HMHB1: variants seen among roughly 807,000 people sequenced by gnomAD.
The protein encoded by HMHB1 is histocompatibility minor HB-1.
HMHB1 carries 4 observed loss-of-function variants against 2.4 expected under a neutral mutation model. That is an observed-to-expected ratio of 1.65 (90% CI 0.81 to 3.77). The LOEUF (loss-of-function observed/expected upper bound fraction) is 3.77. Ranked by LOEUF, HMHB1 falls within the 30% of genes most tolerant of loss-of-function variation. The pLI, the probability that HMHB1 is intolerant of heterozygous loss-of-function variation, is 0.01. For missense variants in HMHB1, 57 were observed against 44.2 expected, an observed-to-expected ratio of 1.29 and a Z score of -0.82; for synonymous variants, 22 against 17.6, an observed-to-expected ratio of 1.25 and a Z score of -0.63.
At chr5:143,814,029 A>G (rs953251681) in intron 1 of HMHB1, among the ~76,000 whole-genome samples, 1 of 152,226 alleles carries the variant, frequency 6.6e-6, no homozygotes, top group African/African-American at 2.4e-5. Flanking sequence ...ATTTCATAGC[A>G]TCATTCTTAC....
chr5:143,812,407 A>T (rs1349640210), intron 1 of HMHB1, 103 bp downstream of exon 1: 1 of 1,031,318 alleles, frequency 9.7e-7, no homozygotes, highest in Non-Finnish European at 1.5e-6. Flanking sequence ...GGAAACCACA[A>T]CAGGTGAAAA....
chr5:143,813,778 G>A (rs1759718276), intron 1 of HMHB1, among the ~76,000 whole-genome samples: 3 of 151,874 alleles, frequency 2.0e-5, no homozygotes, highest in Admixed American at 1.3e-4. Flanking sequence ...ATTTTGCAAG[G>A]AAAAAAATAT....
intron 1 of HMHB1, among the ~76,000 whole-genome samples, chr5:143,818,066 G>A (rs896437476): frequency 6.6e-6 from 1 of 152,192 alleles, no homozygotes; most frequent in Non-Finnish European, 1.5e-5. Flanking sequence ...AAATTGACAA[G>A]TTAATTCTCT....
intron 1 of HMHB1, among the ~76,000 whole-genome samples, chr5:143,813,532 A>G (rs1759715332): frequency 3.3e-5 from 5 of 152,244 alleles, no homozygotes; most frequent in Admixed American, 3.3e-4. Flanking sequence ...TGAAAAGTAA[A>G]AAATGGAAAG....
intron 1 of HMHB1, among the ~76,000 whole-genome samples, chr5:143,819,739 C>T (rs944194819): frequency 2.8e-4 from 43 of 152,032 alleles, no homozygotes; most frequent in Admixed American, 1.4e-3. Context: ...TTCCAAAGCT[C>T]CCTGTTGATT....
intron 1 of HMHB1, among the ~76,000 whole-genome samples, chr5:143,818,864 G>C (rs1214139183): frequency 6.6e-6 from 1 of 151,778 alleles, no homozygotes; most frequent in Non-Finnish European, 1.5e-5. Context: ...ACCTTCTGTT[G>C]CAAGTACAGA....
At chr5:143,814,228 C>CA (rs1369540316) in intron 1 of HMHB1, among the ~76,000 whole-genome samples, 1 of 151,576 alleles carries the variant, frequency 6.6e-6, no homozygotes, top group African/African-American at 2.4e-5. Context: ...AATATGGATC[C>CA]AAAAAAAGGA....
intron 1 of HMHB1, among the ~76,000 whole-genome samples, chr5:143,816,370 CT>C (rs1261271853): frequency 1.3e-5 from 2 of 148,700 alleles, no homozygotes; most frequent in Admixed American, 1.3e-4. Context: ...CCCTTTCCCC[CT>C]GAGTCCCCAA....
intron 1 of HMHB1, among the ~76,000 whole-genome samples, chr5:143,813,787 A>G (rs538357412): frequency 3.3e-5 from 5 of 152,356 alleles, no homozygotes; most frequent in Admixed American, 2.6e-4. Context: ...GGAAAAAAAT[A>G]TAAGTAATAA....
chr5:143,817,823 G>T (rs145651064), intron 1 of HMHB1, among the ~76,000 whole-genome samples: 33 of 152,050 alleles, frequency 2.2e-4, no homozygotes, highest in African/African-American at 7.9e-4. Context: ...ATATTGATTT[G>T]CAGTAGCATC....
chr5:143,820,618 C>G lies in HMHB1; in HGVS notation c.*50C>G. 2.5e-6 allele frequency: 3 copies of G among 1,195,166 alleles called. No homozygotes were observed. The highest frequency in any genetic ancestry group is 1.7e-5 in the Admixed American group (1 of 58,452). 74.0% of individuals were successfully genotyped at this position (1,195,166 alleles called of 1,614,324 possible). A position where few individuals can be genotyped will look rare whatever the true frequency, so the allele number is the denominator to read the frequency against. Reference sequence around the variant, plus strand: ...AGCCCAGAGTTTTGGTGTGGATGAGCAGGGACAAATTGCTGAGCATGAAGA... The same window carrying G: ...AGCCCAGAGTTTTGGTGTGGATGAGGAGGGACAAATTGCTGAGCATGAAGA... On this transcript the variant is annotated 3_prime_UTR_variant, in exon 2 of 2. Transcript: ENST00000289448.
chr5:143,819,993 T>C lies in HMHB1; in HGVS notation c.38-487T>C, dbSNP rs865902261. Among the ~76,000 whole-genome samples the C allele has an allele frequency of 3.7e-4, 57 of 152,306 alleles. 1 individual carries two copies. Among genetic ancestry groups the C allele is most frequent in the Admixed American group, 2.0e-4 (3 of 15,302 alleles). ...TCAGGAAATATTGGCTTAATGTTTT[T>C]CTGCTATTCAACAGTTACTCTCAGA... is the stretch of plus-strand genomic sequence containing the variant. On this transcript the variant is annotated intron_variant, in intron 1 of 1. Coordinates refer to ENST00000289448, the MANE Select transcript of HMHB1 (RefSeq NM_021182.3).
chr5:143,817,567 C>T (rs1759763649), intron 1 of HMHB1, among the ~76,000 whole-genome samples: 2 of 152,070 alleles, frequency 1.3e-5, no homozygotes, highest in Non-Finnish European at 2.9e-5. Flanking sequence ...GGTCTATGTG[C>T]CTATTTTTAT....
chr5:143,812,842 G>C (rs550321873), intron 1 of HMHB1, among the ~76,000 whole-genome samples: 4 of 152,246 alleles, frequency 2.6e-5, no homozygotes, highest in East Asian at 3.9e-4. Context: ...AAGCACTTGA[G>C]GGGGGTATAG....
chr5:143,812,353 C>T (rs886984201), intron 1 of HMHB1, 49 bp downstream of exon 1: 14 of 1,500,584 alleles, frequency 9.3e-6, no homozygotes, highest in African/African-American at 2.8e-5. Context: ...AAAGAGGCAG[C>T]GAAGGGGCAG....
chr5:143,820,000 T>C (rs1759790557), intron 1 of HMHB1, among the ~76,000 whole-genome samples: 1 of 152,168 alleles, frequency 6.6e-6, no homozygotes, highest in Non-Finnish European at 1.5e-5. Context: ...TTTTCTGCTA[T>C]TCAACAGTTA....
intron 1 of HMHB1, among the ~76,000 whole-genome samples, chr5:143,819,282 C>T (rs1272824685): frequency 1.1e-4 from 16 of 152,124 alleles, no homozygotes; most frequent in Admixed American, 1.0e-3. Flanking sequence ...ACATTAGTTG[C>T]CAACACTTAA....
rs1172521657 is a variant in HMHB1, at chr5:143,812,180, G to A, written c.-88G>A. On this transcript the variant is annotated 5_prime_UTR_variant, in exon 1 of 2. Transcript: ENST00000289448. ...AGGAAACCACATCCCAGGAGGCCGA[G>A]GCGGCTTGCCCCGCATCTCAGAAGC... 6 of 1,238,726 alleles carry A rather than the reference G, an allele frequency of 4.8e-6. No homozygotes were observed. Among genetic ancestry groups the A allele is most frequent in the African/African-American group, 3.0e-5 (2 of 66,082 alleles). 76.7% of individuals were successfully genotyped at this position (1,238,726 alleles called of 1,614,324 possible). A position where few individuals can be genotyped will look rare whatever the true frequency, so the allele number is the denominator to read the frequency against.
chr5:143,819,358 T>A (rs956400179), intron 1 of HMHB1, among the ~76,000 whole-genome samples: 1 of 152,218 alleles, frequency 6.6e-6, no homozygotes, highest in Non-Finnish European at 1.5e-5. Context: ...TACTACAATA[T>A]CCTGGCAACT....
Sources: gnomAD v4.1 joint callset for allele counts (sites outside exome capture counted in the v4.1 genomes callset) on GRCh38, gnomAD v4.1.1 for gene constraint, MANE v1.5 for transcripts, NCBI Gene and HGNC (gene_info 2026-07-23, HGNC 2026-07-21) for gene names.